Variants in HDAC4 observed in about 807,000 individuals in gnomAD.
The protein encoded by HDAC4 is histone deacetylase 4, also known as histone deacetylase A.
Under a neutral mutation model 135.1 loss-of-function variants are expected in HDAC4, and 16 were observed. That is an observed-to-expected ratio of 0.12 (90% CI 0.08 to 0.18). The LOEUF is 0.18. Ranked by LOEUF, HDAC4 falls within the 10% of genes least tolerant of loss-of-function variation. HDAC4 has a pLI of 1.00. For synonymous variants in HDAC4, 685 were observed against 653.4 expected, an observed-to-expected ratio of 1.05 and a Z score of -0.74; for missense variants, 1,143 against 1,511.8, an observed-to-expected ratio of 0.76 and a Z score of 4.05.
chr2:239,162,697 G>C (rs3791518), intron 6 of HDAC4, among the ~76,000 whole-genome samples: 14 of 152,210 alleles, frequency 9.2e-5, no homozygotes, highest in Admixed American at 3.9e-4. Flanking sequence ...AAATCCAGAC[G>C]GTGTGTCTGC....
At chr2:239,169,029 T>C (rs1005566232) in intron 5 of HDAC4, among the ~76,000 whole-genome samples, 2 of 152,166 alleles carry the variant, frequency 1.3e-5, no homozygotes, top group African/African-American at 4.8e-5. Context: ...TTTTCTGAAG[T>C]GAAGTCTTTT....
intron 2 of HDAC4, among the ~76,000 whole-genome samples, chr2:239,239,219 C>T (rs764969062): frequency 1.3e-5 from 2 of 152,198 alleles, no homozygotes; most frequent in African/African-American, 2.4e-5. Flanking sequence ...TTCTAAAGAT[C>T]GGCTATAAAT....
At chr2:239,247,242 G>A (rs973692431) in intron 2 of HDAC4, among the ~76,000 whole-genome samples, 71 of 152,292 alleles carry the variant, frequency 4.7e-4, no homozygotes, top group African/African-American at 1.7e-3. Flanking sequence ...TTCCCCGCAG[G>A]CATCCTACTT....
At chr2:239,311,882 C>T (rs11902456) in intron 2 of HDAC4, among the ~76,000 whole-genome samples, 178 of 152,210 alleles carry the variant, frequency 1.2e-3, no homozygotes, top group African/African-American at 4.1e-3. Context: ...GGGCAGCCCA[C>T]GGGGCAGCTC....
chr2:239,323,434 T>C (rs140943919), intron 2 of HDAC4, among the ~76,000 whole-genome samples: 11 of 152,320 alleles, frequency 7.2e-5, no homozygotes, highest in Non-Finnish European at 1.2e-4. Context: ...AAGAAAAGAC[T>C]ACATCTTAAC....
chr2:239,290,226 A>G (rs898571455), intron 2 of HDAC4, among the ~76,000 whole-genome samples: 2 of 152,228 alleles, frequency 1.3e-5, no homozygotes, highest in African/African-American at 4.8e-5. Context: ...TTTCCATGTT[A>G]TCAGACTTTA....
chr2:239,180,319 C>G (rs2044064535), intron 4 of HDAC4, among the ~76,000 whole-genome samples: 1 of 152,128 alleles, frequency 6.6e-6, no homozygotes, highest in Non-Finnish European at 1.5e-5. Flanking sequence ...ACAGGCGGTG[C>G]AGGGGATGAG....
intron 2 of HDAC4, among the ~76,000 whole-genome samples, chr2:239,287,258 T>C (rs1382163108): frequency 2.6e-5 from 4 of 152,234 alleles, no homozygotes; most frequent in African/African-American, 9.6e-5. Context: ...TCCTGACTCC[T>C]GAGGCTCCTT....
At chr2:239,384,829 C>G (rs1291372374) in intron 1 of HDAC4, among the ~76,000 whole-genome samples, 1 of 152,102 alleles carries the variant, frequency 6.6e-6, no homozygotes, top group African/African-American at 2.4e-5. Flanking sequence ...AACAATACAA[C>G]AGCTTAAATA....
intron 2 of HDAC4, among the ~76,000 whole-genome samples, chr2:239,314,666 G>C (rs1190463581): frequency 6.6e-6 from 1 of 152,172 alleles, no homozygotes; most frequent in East Asian, 1.9e-4. Context: ...AGACAGAGCT[G>C]AAGAGAGAAT....
chr2:239,159,088 TCACA>T (rs751499287), intron 6 of HDAC4, among the ~76,000 whole-genome samples: 7 of 142,890 alleles, frequency 4.9e-5, no homozygotes, highest in Admixed American at 6.9e-5. Context: ...CCTCCACACC[TCACA>T]CACACACACC....
chr2:239,311,913 G>A (rs2052899205), intron 2 of HDAC4, among the ~76,000 whole-genome samples: 1 of 152,128 alleles, frequency 6.6e-6, no homozygotes, highest in South Asian at 2.1e-4. Flanking sequence ...CCTGTGAAAG[G>A]AAGAGCTCAG....
intron 2 of HDAC4, among the ~76,000 whole-genome samples, chr2:239,282,583 TACAATGTACACACCACTCTGCAA>T (rs2050855181): frequency 7.0e-6 from 1 of 143,436 alleles, no homozygotes; most frequent in Admixed American, 6.9e-5. Flanking sequence ...CACACCACTC[TACAATGTACACACCACTCTGCAA>T]ACAATGTACA....
intron 2 of HDAC4, among the ~76,000 whole-genome samples, chr2:239,296,128 ACTGGAGCCTGCACAGGCTGAC>A (rs2051874465): frequency 6.6e-6 from 1 of 152,230 alleles, no homozygotes. Flanking sequence ...GGAGCACCAA[ACTGGAGCCTGCACAGGCTGAC>A]CTGGAGCCGT....
intron 1 of HDAC4, among the ~76,000 whole-genome samples, chr2:239,387,127 C>T (rs7587182): frequency 0.039 from 5,974 of 152,318 alleles, 389 homozygotes; most frequent in African/African-American, 0.14. Flanking sequence ...TGCACACGCA[C>T]GTACATGTGT....
chr2:239,374,460 G>A (rs1366259676), intron 1 of HDAC4, among the ~76,000 whole-genome samples: 1 of 125,292 alleles, frequency 8.0e-6, no homozygotes, highest in Admixed American at 1.0e-4. Context: ...CTGGAGTGCA[G>A]TGGCGGGATC....
chr2:239,102,660 T>C lies in HDAC4; in HGVS notation c.2233+116A>G. On this transcript the variant is annotated intron_variant, in intron 16 of 26. Coordinates refer to ENST00000543185, the MANE Select transcript of HDAC4 (RefSeq NM_001378414.1). Reference sequence around the variant, plus strand: ...AAGGTTCCCTTTCAGGCCCTTTACCTTATAACCTGGCAGGCGACACCCACA... The same window carrying C: ...AAGGTTCCCTTTCAGGCCCTTTACCCTATAACCTGGCAGGCGACACCCACA... The C allele has an allele frequency of 2.5e-6, 3 of 1,218,938 alleles. No homozygotes were observed. The Admixed American group carries it at 5.8e-5, about 24-fold the overall frequency. 75.5% of individuals were successfully genotyped at this position (1,218,938 alleles called of 1,614,324 possible).
chr2:239,056,304 A>G (rs1372296208), intron 24 of HDAC4, among the ~76,000 whole-genome samples: 1 of 152,184 alleles, frequency 6.6e-6, no homozygotes, highest in African/African-American at 2.4e-5. Flanking sequence ...CCATTCTCCA[A>G]TGAAGGGAAG....
intron 2 of HDAC4, among the ~76,000 whole-genome samples, chr2:239,323,547 G>A (rs542328774): frequency 6.6e-6 from 1 of 152,338 alleles, no homozygotes; most frequent in East Asian, 1.9e-4. Context: ...GAGAGCCTGT[G>A]TGTGGAAGGC....
Sources: allele counts gnomAD v4.1 joint callset (sites outside exome capture counted in the v4.1 genomes callset), GRCh38; gene constraint gnomAD v4.1.1; transcripts MANE v1.5; gene names NCBI Gene and HGNC (gene_info 2026-07-23, HGNC 2026-07-21).